ZYG11B: variants seen among roughly 807,000 people sequenced by gnomAD.
ZYG11B encodes the protein protein zyg-11 homolog B.
Under a neutral mutation model 82.4 loss-of-function variants are expected in ZYG11B, and 36 were observed. The ratio of observed to expected loss-of-function variants is 0.44; its 90% CI spans 0.33 to 0.58. The LOEUF (loss-of-function observed/expected upper bound fraction) is 0.58, where lower values mean the gene tolerates loss of function less well. Among genes scored for constraint, ZYG11B ranks in the 20% least tolerant of loss-of-function variants. ZYG11B has a pLI of 0.02. For missense variants in ZYG11B, 552 were observed against 895.6 expected (o/e 0.62, Z 4.90); for synonymous variants, 303 against 312.8 (o/e 0.97, Z 0.33).
Position 52,796,702 on chromosome 1 carries a change from G to A in ZYG11B, c.1435-32G>A, listed in dbSNP as rs79266601. ...ATTAAACTCACATTAATGAGTTCTTGGACATTGAATTTGTTTTTTACTTGC... is the reference window on the plus strand; with the variant it reads ...ATTAAACTCACATTAATGAGTTCTTAGACATTGAATTTGTTTTTTACTTGC... On this transcript the variant is annotated intron_variant, in intron 7 of 13. Coordinates refer to ENST00000294353, the MANE Select transcript of ZYG11B (RefSeq NM_024646.3). 1,993 of 1,573,094 alleles carry A rather than the reference G, an allele frequency of 1.3e-3. 40 individuals are homozygous for A. In the African/African-American group the frequency reaches 0.025, roughly 20 times the overall value.
At chr1:52,783,965 CACAT>C (rs902024160) in intron 4 of ZYG11B, among the ~76,000 whole-genome samples, 2 of 42,620 alleles carry the variant, frequency 4.7e-5, no homozygotes, top group African/African-American at 2.6e-4. Context: ...TACACATACA[CACAT>C]ATACACACAC....
At chr1:52,737,972 AG>A (rs1478190965) in intron 1 of ZYG11B, among the ~76,000 whole-genome samples, 1 of 152,240 alleles carries the variant, frequency 6.6e-6, no homozygotes, top group Non-Finnish European at 1.5e-5. Context: ...CTTTTGACCT[AG>A]GATAAATGTT....
At chr1:52,764,943 T>G (rs1172702138) in intron 2 of ZYG11B, among the ~76,000 whole-genome samples, 8 of 152,176 alleles carry the variant, frequency 5.3e-5, no homozygotes, top group African/African-American at 1.9e-4. Context: ...TCAGATGTTC[T>G]TTGCTCTTCT....
chr1:52,802,670 C>A (rs1645086601), intron 10 of ZYG11B, among the ~76,000 whole-genome samples: 1 of 150,248 alleles, frequency 6.7e-6, no homozygotes. Flanking sequence ...TTGACAATTT[C>A]TAGGCGAATG....
At chr1:52,791,129 G>A (rs1298426161) in intron 6 of ZYG11B, among the ~76,000 whole-genome samples, 1 of 150,524 alleles carries the variant, frequency 6.6e-6, no homozygotes, top group South Asian at 2.1e-4. Flanking sequence ...GTGCCACCAC[G>A]CTGGGCTAAT....
rs2149954327 is a variant in ZYG11B at position 52,796,665 on chromosome 1, A to G, written c.1435-69A>G. The G allele has an allele frequency of 3.1e-6, 4 of 1,273,074 alleles. No individual in the cohort carries two copies. In the South Asian group the frequency reaches 5.1e-5, roughly 16 times the overall value. The allele number at this position is 1,273,074 out of a possible 1,614,324, so 78.9% of individuals were successfully genotyped here. On this transcript the variant is annotated intron_variant, in intron 7 of 13. Coordinates refer to ENST00000294353, the MANE Select transcript of ZYG11B (RefSeq NM_024646.3). The stretch of plus-strand genomic sequence containing the variant: ...TTTAGTCTCACCTTTGGAGTGAGGT[A>G]CAGTGAATGATATTAAACTCACATT...
intron 8 of ZYG11B, among the ~76,000 whole-genome samples, chr1:52,800,157 TC>T (rs1397591469): frequency 6.6e-6 from 1 of 151,680 alleles, no homozygotes; most frequent in Non-Finnish European, 1.5e-5. Flanking sequence ...GCACCTGTGG[TC>T]TCAGCTACTC....
intron 1 of ZYG11B, among the ~76,000 whole-genome samples, chr1:52,748,610 C>T (rs1644494799): frequency 6.6e-6 from 1 of 152,220 alleles, no homozygotes; most frequent in Non-Finnish European, 1.5e-5. Flanking sequence ...TGCCTGTAAT[C>T]CCAGCACTTT....
chr1:52,821,661 G>A lies in ZYG11B; in HGVS notation c.*32G>A, dbSNP rs766880027. 105 of 1,563,280 alleles carry A rather than the reference G, an allele frequency of 6.7e-5. No individual in the cohort carries two copies. The highest frequency in any genetic ancestry group is 1.8e-4 in the East Asian group (8 of 44,272). ...TAAGTATTGGATAGTTGAATCACAG[G>A]AATCCTTTTTGTGATTGGTCCATTT... On this transcript the variant is annotated 3_prime_UTR_variant, in exon 14 of 14. Transcript: ENST00000294353.
At chr1:52,765,080 T>C (rs1644670529) in intron 2 of ZYG11B, among the ~76,000 whole-genome samples, 1 of 149,954 alleles carries the variant, frequency 6.7e-6, no homozygotes, top group African/African-American at 2.5e-5. Context: ...AGAGATGGAG[T>C]CGCACTATGT....
chr1:52,802,270 A>G, intron 10 of ZYG11B, 131 bp downstream of exon 10: 1 of 692,788 alleles, frequency 1.4e-6, no homozygotes. Context: ...TTGCTAATTG[A>G]GAACTATTCC....
chr1:52,775,260 A>G (rs1296772939), intron 3 of ZYG11B, among the ~76,000 whole-genome samples: 2 of 152,130 alleles, frequency 1.3e-5, no homozygotes, highest in African/African-American at 2.4e-5. Context: ...TCAGACTCCT[A>G]TATTGAACTG....
At chr1:52,746,592 C>A (rs1049209855) in intron 1 of ZYG11B, among the ~76,000 whole-genome samples, 10 of 149,262 alleles carry the variant, frequency 6.7e-5, no homozygotes, top group African/African-American at 2.5e-4. Flanking sequence ...GAGGACCAAT[C>A]TGGGCAAACT....
At position 52,801,935 on chromosome 1, in the gene ZYG11B, C is replaced by T. The variant is rs1421263918; in HGVS notation, c.1602C>T (p.His534=). ...ATGAATCTCCAACCACTTGTAGACA[C>T]TTTATTGAAAACCAAGGGTTAGAAC... ...LTDESPTTCR[H]FIENQGLELF... The change falls in exon 9 of 14, where the codon CAC becomes CAT. Residue 534 remains histidine (H), a synonymous_variant. Coordinates refer to ENST00000294353, the MANE Select transcript of ZYG11B (RefSeq NM_024646.3). The T allele has an allele frequency of 3.1e-6, 5 of 1,611,354 alleles. No individual in the cohort carries two copies. Among genetic ancestry groups the T allele is most frequent in the Non-Finnish European group, 4.2e-6 (5 of 1,179,314 alleles).
At chr1:52,729,315 G>A (rs905661036) in intron 1 of ZYG11B, among the ~76,000 whole-genome samples, 1 of 87,728 alleles carries the variant, frequency 1.1e-5, no homozygotes, top group Non-Finnish European at 1.9e-5. Flanking sequence ...TATGAATTTA[G>A]GGAGACAGAA....
intron 5 of ZYG11B, 142 bp downstream of exon 5, chr1:52,785,195 T>C (rs1224626567): frequency 8.9e-6 from 8 of 895,694 alleles, no homozygotes; most frequent in South Asian, 3.7e-5. Context: ...AACAGAGAAG[T>C]GGACACCAAA....
At chr1:52,820,201 A>G (rs1645271714) in intron 13 of ZYG11B, among the ~76,000 whole-genome samples, 2 of 151,188 alleles carry the variant, frequency 1.3e-5, no homozygotes, top group South Asian at 4.2e-4. Context: ...GGTGTGAGCC[A>G]CCACGCCCAG....
chr1:52,738,985 C>CTTTTTTTTTCT (rs1644400383), intron 1 of ZYG11B, among the ~76,000 whole-genome samples: 1 of 106,308 alleles, frequency 9.4e-6, no homozygotes, highest in Non-Finnish European at 1.7e-5. Context: ...GCCCTGTAAC[C>CTTTTTTTTTCT]TTTTTTTTTT....
At chr1:52,740,943 C>T (rs1644424440) in intron 1 of ZYG11B, among the ~76,000 whole-genome samples, 1 of 151,686 alleles carries the variant, frequency 6.6e-6, no homozygotes, top group Non-Finnish European at 1.5e-5. Context: ...ATTAGATCAT[C>T]TCTAAGGTTA....
Sources: allele counts gnomAD v4.1 joint callset (sites outside exome capture counted in the v4.1 genomes callset), GRCh38; gene constraint gnomAD v4.1.1; transcripts MANE v1.5; gene names NCBI Gene and HGNC (gene_info 2026-07-23, HGNC 2026-07-21).